C10orf90: variants seen among roughly 807,000 people sequenced by gnomAD.
C10orf90 encodes the protein chromosome 10 open reading frame 90.
A neutral mutation model predicts 62.5 loss-of-function variants in C10orf90; 56 were observed. The ratio of observed to expected loss-of-function variants is 0.90; its 90% CI spans 0.72 to 1.12. The LOEUF is 1.12. Ranked by LOEUF, C10orf90 falls within the 50% of genes most tolerant of loss-of-function variation. C10orf90 has a pLI of 0.00. For missense variants in C10orf90, 970 were observed against 880.4 expected (o/e 1.10, Z -1.29); for synonymous variants, 386 against 340.4 (o/e 1.13, Z -1.47).
intron 2 of C10orf90, among the ~76,000 whole-genome samples, chr10:126,601,227 T>C (rs1845192128): frequency 1.3e-5 from 2 of 152,140 alleles, no homozygotes; most frequent in Admixed American, 6.5e-5. Context: ...GGTTAAAGGA[T>C]ACAAACCAGC....
chr10:126,501,253 C>T (rs1000107674), intron 4 of C10orf90, among the ~76,000 whole-genome samples: 2 of 152,162 alleles, frequency 1.3e-5, no homozygotes, highest in Admixed American at 1.3e-4. Flanking sequence ...AAGGACAGCC[C>T]GTGGTCATTA....
intron 2 of C10orf90, among the ~76,000 whole-genome samples, chr10:126,580,874 AC>A (rs2134015480): frequency 6.6e-6 from 1 of 152,162 alleles, no homozygotes; most frequent in African/African-American, 2.4e-5. Context: ...TTTTCTGGAC[AC>A]ATTTCCATCC....
intron 1 of C10orf90, among the ~76,000 whole-genome samples, chr10:126,657,723 C>G (rs1846425406): frequency 6.6e-6 from 1 of 150,916 alleles, no homozygotes; most frequent in East Asian, 2.0e-4. Flanking sequence ...TCAAATGATT[C>G]TCCTGCCTCA....
chr10:126,580,683 T>A (rs1844730158), intron 2 of C10orf90, among the ~76,000 whole-genome samples: 1 of 149,788 alleles, frequency 6.7e-6, no homozygotes, highest in South Asian at 2.1e-4. Flanking sequence ...TAAGACAAGA[T>A]GCTTATCCTC....
chr10:126,607,142 T>A (rs1174213400), intron 2 of C10orf90, among the ~76,000 whole-genome samples: 5 of 152,170 alleles, frequency 3.3e-5, no homozygotes, highest in Non-Finnish European at 7.4e-5. Flanking sequence ...GGCGCCCAAC[T>A]CTGCTATCAG....
chr10:126,496,687 C>T (rs1303614053), intron 4 of C10orf90: 8 of 985,292 alleles, frequency 8.1e-6, no homozygotes, highest in South Asian at 9.4e-5. Flanking sequence ...CATCGCTCCT[C>T]ACCCTTTCCT....
intron 7 of C10orf90, among the ~76,000 whole-genome samples, chr10:126,432,112 A>G (rs1220234373): frequency 6.6e-6 from 1 of 152,206 alleles, no homozygotes; most frequent in Admixed American, 6.5e-5. Context: ...CATCTGATAA[A>G]TAGCAGGGTC....
intron 2 of C10orf90, among the ~76,000 whole-genome samples, chr10:126,548,628 G>A (rs1864559128): frequency 6.6e-6 from 1 of 152,088 alleles, no homozygotes; most frequent in African/African-American, 2.4e-5. Context: ...GCCTCCCAAA[G>A]TGCTGGGATT....
Position 126,599,050 on chromosome 10 carries a change from C to T in C10orf90, c.313+47515G>A, listed in dbSNP as rs61252143. Among the ~76,000 whole-genome samples, 480 of 152,256 alleles carry T rather than the reference C, an allele frequency of 3.2e-3. 4 individuals carry two copies. Among genetic ancestry groups the T allele is most frequent in the African/African-American group, 0.011 (461 of 41,546 alleles). ...CTTGAGGATATTTCTGTTGGAGACACCAGGCTTCAGCATCAGCCCGTCTGA... is the reference window on the plus strand; with the variant it reads ...CTTGAGGATATTTCTGTTGGAGACATCAGGCTTCAGCATCAGCCCGTCTGA... On this transcript the variant is annotated intron_variant, in intron 2 of 9. Transcript: ENST00000488181.
chr10:126,590,683 C>T (rs1844960797), intron 2 of C10orf90, among the ~76,000 whole-genome samples: 1 of 151,964 alleles, frequency 6.6e-6, no homozygotes, highest in Admixed American at 6.6e-5. Context: ...CACAGCAAAC[C>T]AGTGTTAAGA....
intron 2 of C10orf90, among the ~76,000 whole-genome samples, chr10:126,633,345 G>A (rs937896864): frequency 7.9e-5 from 12 of 152,240 alleles, no homozygotes; most frequent in African/African-American, 1.7e-4. Context: ...GCACACAGGA[G>A]CTGTGAGGTC....
intron 2 of C10orf90, among the ~76,000 whole-genome samples, chr10:126,565,834 C>G (rs147849439): frequency 2.5e-3 from 380 of 152,304 alleles, no homozygotes; most frequent in Non-Finnish European, 4.7e-3. Flanking sequence ...TGTTTTGAGA[C>G]TGAGTGAACC....
intron 6 of C10orf90, 83 bp downstream of exon 6, chr10:126,461,318 C>T: frequency 6.7e-7 from 1 of 1,491,466 alleles, no homozygotes; most frequent in Non-Finnish European, 9.1e-7. Flanking sequence ...CTCAGAGGTG[C>T]AAGTGAGGTT....
At chr10:126,630,113 T>C (rs1845823382) in intron 2 of C10orf90, among the ~76,000 whole-genome samples, 1 of 152,200 alleles carries the variant, frequency 6.6e-6, no homozygotes, top group Non-Finnish European at 1.5e-5. Flanking sequence ...GGCAGGACCA[T>C]ATTTCATCTT....
intron 2 of C10orf90, among the ~76,000 whole-genome samples, chr10:126,563,477 G>A (rs1018591377): frequency 6.6e-6 from 1 of 152,148 alleles, no homozygotes; most frequent in African/African-American, 2.4e-5. Context: ...TCTGACCTCT[G>A]GAGCCTGTTT....
At position 126,504,717 on chromosome 10, in the gene C10orf90, G is replaced by A. The variant is rs1245662787; in HGVS notation, c.774C>T (p.Asp258=). The A allele has an allele frequency of 6.2e-7, 1 of 1,605,804 alleles. No individual in the cohort carries two copies. The highest frequency in any genetic ancestry group is 1.3e-5 in the African/African-American group (1 of 74,792). The part of the protein sequence containing the change: ...ARALVWGTAG[D]SLCPKCRAED... ...CAGCCCTGCACTTGGGGCACAGAGA[G>A]TCCCCAGCAGTCCCCCACACCAGGG... The change falls in exon 4 of 10, where the codon GAC becomes GAT. Residue 258 remains aspartate, a synonymous_variant. Transcript: ENST00000488181. This position sits in a 1 kb window ranked among gnomAD's most constrained non-coding sequence, Gnocchi z 4.1.
intron 2 of C10orf90, among the ~76,000 whole-genome samples, chr10:126,552,729 G>T (rs145771185): frequency 3.4e-4 from 52 of 152,390 alleles, no homozygotes; most frequent in African/African-American, 1.2e-3. Flanking sequence ...ATGCGCAAAG[G>T]CAGAGGACGA....
intron 8 of C10orf90, among the ~76,000 whole-genome samples, chr10:126,429,403 A>G (rs1044623999): frequency 3.9e-5 from 6 of 152,090 alleles, no homozygotes; most frequent in African/African-American, 1.4e-4. Context: ...CACAGTCCAG[A>G]CCCTTAGGAG....
intron 2 of C10orf90, among the ~76,000 whole-genome samples, chr10:126,559,648 C>T (rs1453376961): frequency 1.3e-5 from 2 of 152,126 alleles, no homozygotes; most frequent in African/African-American, 2.4e-5. Flanking sequence ...TGGAATTGAT[C>T]GGAAGATGGG....
Sources: gnomAD v4.1 joint callset for allele counts (sites outside exome capture counted in the v4.1 genomes callset) on GRCh38, gnomAD v4.1.1 for gene constraint, Gnocchi (gnomAD v3.1) non-coding constraint, MANE v1.5 for transcripts, NCBI Gene and HGNC (gene_info 2026-07-23, HGNC 2026-07-21) for gene names.